Variants in HERC1 observed in about 807,000 individuals in gnomAD.
The protein encoded by HERC1 is probable E3 ubiquitin-protein ligase HERC1.
Under a neutral mutation model 554.3 loss-of-function variants are expected in HERC1, and 160 were observed. The ratio of observed to expected loss-of-function variants is 0.29; its 90% confidence interval spans 0.25 to 0.33. HERC1 has a LOEUF of 0.33. HERC1 is among the 10% of genes least tolerant of loss of function. HERC1 has a pLI of 1.00. For synonymous variants in HERC1, 2,175 were observed against 2,131.7 expected (o/e 1.02, Z -0.56); for missense variants, 4,919 against 5,918.5 (o/e 0.83, Z 5.54).
intron 1 of HERC1, among the ~76,000 whole-genome samples, chr15:63,829,272 A>G (rs2078043739): frequency 6.6e-6 from 1 of 151,454 alleles, no homozygotes; most frequent in South Asian, 2.1e-4. Context: ...TTAAAAAAAA[A>G]TCAGCGGGGC....
At chr15:63,717,744 T>A (rs541814610) in intron 21 of HERC1, among the ~76,000 whole-genome samples, 215 of 152,204 alleles carry the variant, frequency 1.4e-3, no homozygotes, top group African/African-American at 5.0e-3. Flanking sequence ...TGGTGGTGCA[T>A]GCCTGTAATC....
At chr15:63,625,071 C>T (rs554315120) in intron 71 of HERC1, among the ~76,000 whole-genome samples, 9 of 152,298 alleles carry the variant, frequency 5.9e-5, no homozygotes, top group Admixed American at 5.9e-4. Flanking sequence ...TAGTGCTGCA[C>T]AGGACTCTGC....
chr15:63,757,225 T>C (rs1407987030), intron 4 of HERC1, among the ~76,000 whole-genome samples: 2 of 150,246 alleles, frequency 1.3e-5, no homozygotes, highest in African/African-American at 2.4e-5. Context: ...GAAAATGAAA[T>C]GCTAATCTAG....
intron 14 of HERC1, among the ~76,000 whole-genome samples, chr15:63,732,414 T>A (rs142884921): frequency 6.6e-6 from 1 of 152,274 alleles, no homozygotes; most frequent in African/African-American, 2.4e-5. Context: ...ATAGTGACAA[T>A]AGCTATAACA....
At chr15:63,638,662 C>G in intron 62 of HERC1, 49 bp downstream of exon 62, 1 of 1,590,974 alleles carries the variant, frequency 6.3e-7, no homozygotes, top group Non-Finnish European at 8.6e-7. Flanking sequence ...CATTTAGAAT[C>G]AAAACATTGA....
chr15:63,818,856 A>G (rs940758132), intron 1 of HERC1, among the ~76,000 whole-genome samples: 8 of 152,242 alleles, frequency 5.3e-5, no homozygotes, highest in African/African-American at 1.4e-4. Context: ...TCCATGATAC[A>G]GTCAAAACCA....
In HERC1 at chr15:63,660,947, A is replaced by T. The variant is rs371258430; in HGVS notation, c.9223+26T>A. The T allele has an allele frequency of 7.1e-5, 102 of 1,440,496 alleles. No individual in the cohort carries two copies. The African/African-American group carries it at 1.3e-3, about 18-fold the overall frequency. The allele number at this position is 1,440,496 out of a possible 1,614,324, so 89.2% of individuals were successfully genotyped here. On this transcript the variant is annotated intron_variant, in intron 46 of 77. Coordinates refer to ENST00000443617, the MANE Select transcript of HERC1 (RefSeq NM_003922.4). ...GAGGATATATAAAAAAACATGTAAA[A>T]TAAAGAAGCTCTCAAAACAAACTAC...
chr15:63,780,927 TA>T (rs2076270019), intron 1 of HERC1, among the ~76,000 whole-genome samples: 1 of 152,198 alleles, frequency 6.6e-6, no homozygotes, highest in Non-Finnish European at 1.5e-5. Context: ...TAAATGTATA[TA>T]ACTATAAATC....
In HERC1 at chr15:63,642,990, T is replaced by A; in HGVS notation, c.11400A>T (p.Glu3800Asp). The A allele has an allele frequency of 6.2e-7, 1 of 1,612,174 alleles. No individual in the cohort carries two copies. The highest frequency in any genetic ancestry group is 1.1e-5 in the South Asian group (1 of 90,934). ...TATTTGAGCAAGCAGCTACTCCAACTTCTGGAATCCATACTGTGGTCTGAA... is the reference window on the plus strand; with the variant it reads ...TATTTGAGCAAGCAGCTACTCCAACATCTGGAATCCATACTGTGGTCTGAA... ...GAIQTTVWIP[E>D]VGVAACSNRS... The change falls in exon 59 of 78, where the codon GAA becomes GAT. Residue 3800 changes from glutamate to aspartate, a missense_variant. This residue lies in a region of HERC1 where 1,963 missense variants were observed against 2,228.6 expected (regional missense o/e 0.88). Transcript: ENST00000443617.
At chr15:63,785,366 T>C (rs750723915) in intron 1 of HERC1, among the ~76,000 whole-genome samples, 3 of 152,138 alleles carry the variant, frequency 2.0e-5, no homozygotes, top group Admixed American at 6.6e-5. Flanking sequence ...AGCTGTGAGC[T>C]ATAAGTGCAC....
At chr15:63,715,912 GCT>G (rs2073531465) in intron 22 of HERC1, among the ~76,000 whole-genome samples, 1 of 152,138 alleles carries the variant, frequency 6.6e-6, no homozygotes, top group Non-Finnish European at 1.5e-5. Context: ...AAACATTATG[GCT>G]CTCCTAATAG....
At chr15:63,635,004 T>C (rs1191485683) in intron 65 of HERC1, 116 bp from the exon 66 acceptor site, 6 of 699,310 alleles carry the variant, frequency 8.6e-6, no homozygotes, top group African/African-American at 1.8e-5. Context: ...CACTGAAAAC[T>C]GGATCTTCAA....
chr15:63,641,502 T>C lies in HERC1; in HGVS notation c.11575A>G (p.Met3859Val), dbSNP rs768916225. The change falls in exon 60 of 78, where the codon ATG becomes GTG. Residue 3859 changes from methionine to valine, a missense_variant. Physicochemically the swap from Met to Val is conservative, Grantham distance 21 (BLOSUM62 1). Coordinates refer to ENST00000443617, the MANE Select transcript of HERC1 (RefSeq NM_003922.4). ...CMRAFLERLP[M>V]MLQEQYAYEK... The stretch of plus-strand genomic sequence containing the variant: ...TAGGCATACTGCTCCTGAAGCATCA[T>C]GGGGAGCCGCTCCAAAAATGCTCTC... 19 of 1,613,434 alleles carry C rather than the reference T, an allele frequency of 1.2e-5. No homozygotes were observed. Among genetic ancestry groups the C allele is most frequent in the Non-Finnish European group, 1.5e-5 (18 of 1,179,618 alleles).
rs143334825 is a variant in HERC1, at chr15:63,694,582, T to C, written c.5243-33A>G. 422 of 1,565,274 alleles carry C rather than the reference T, an allele frequency of 2.7e-4. 3 individuals carry two copies. The African/African-American group carries it at 4.6e-3, about 17-fold the overall frequency. On this transcript the variant is annotated intron_variant, in intron 28 of 77. Coordinates refer to ENST00000443617, the MANE Select transcript of HERC1 (RefSeq NM_003922.4). The surrounding 1 kb of genome is among the most constrained non-coding windows in gnomAD (Gnocchi z 4.3). ...ACAAAGAGACAGTTAAGAATCTTCC[T>C]TTCAGTAAACAAAGCATTTATTAAA...
intron 61 of HERC1, among the ~76,000 whole-genome samples, chr15:63,639,110 T>C (rs2068917898): frequency 6.6e-6 from 1 of 152,186 alleles, no homozygotes; most frequent in South Asian, 2.1e-4. Flanking sequence ...AATTACTTCA[T>C]CTTTCTGGGC....
intron 60 of HERC1, among the ~76,000 whole-genome samples, chr15:63,641,016 T>TA (rs2152839886): frequency 6.6e-6 from 1 of 152,322 alleles, no homozygotes; most frequent in South Asian, 2.1e-4. Context: ...TTAATGACCC[T>TA]ACTCAATTCA....
intron 11 of HERC1, among the ~76,000 whole-genome samples, chr15:63,747,446 C>A (rs1316675660): frequency 6.6e-6 from 1 of 150,760 alleles, no homozygotes; most frequent in African/African-American, 2.4e-5. Flanking sequence ...GGCGACAGAG[C>A]AAGACACCAT....
Position 63,713,440 on chromosome 15 carries a change from A to G in HERC1, c.4376T>C (p.Val1459Ala). 6.2e-7 allele frequency: 1 copy of G among 1,613,992 alleles called. No homozygotes were observed. Among genetic ancestry groups the G allele is most frequent in the South Asian group, 1.1e-5 (1 of 91,082 alleles). The change falls in exon 23 of 78, where the codon GTG becomes GCG. Residue 1459 changes from valine (V) to alanine (A), a missense_variant. Val to Ala is a moderately conservative substitution (Grantham distance 64). Transcript: ENST00000443617. ...CALLILGVSP[V>A]IDELQKRREE... ...TCTTCGCTTCTGAAGCTCATCTATC[A>G]CAGGACTTACTCCTAATATTAACAG... is the stretch of plus-strand genomic sequence containing the variant.
At chr15:63,773,692 C>T (rs1284015774) in intron 2 of HERC1, among the ~76,000 whole-genome samples, 2 of 151,564 alleles carry the variant, frequency 1.3e-5, no homozygotes, top group Non-Finnish European at 2.9e-5. Context: ...TACAGGTGCG[C>T]ACCACCACAC....
Sources: gnomAD v4.1 joint callset for allele counts (sites outside exome capture counted in the v4.1 genomes callset) on GRCh38, gnomAD v4.1.1 for gene constraint, gnomAD v4.1.1 regional missense constraint, Gnocchi (gnomAD v3.1) non-coding constraint, MANE v1.5 for transcripts, NCBI Gene and HGNC (gene_info 2026-07-23, HGNC 2026-07-21) for gene names.